The following GRID2 variants were observed in gnomAD, a reference collection of about 807,000 sequenced individuals.
The protein encoded by GRID2 is glutamate ionotropic receptor delta type subunit 2, also known as glutamate receptor ionotropic, delta-2.
In GRID2, 33 loss-of-function variants were observed where a neutral mutation model predicts 114.8. That is an observed-to-expected ratio of 0.29 (90% CI 0.22 to 0.38). GRID2 has a LOEUF of 0.38. Ranked by LOEUF, GRID2 falls within the 10% of genes least tolerant of loss-of-function variation. GRID2 has a pLI of 1.00. For synonymous variants in GRID2, 505 were observed against 449.9 expected, an observed-to-expected ratio of 1.12 and a Z score of -1.55; for missense variants, 1,184 against 1,257.7, an observed-to-expected ratio of 0.94 and a Z score of 0.89.
At chr4:92,375,459 T>A (rs1729311064) in intron 1 of GRID2, among the ~76,000 whole-genome samples, 1 of 152,178 alleles carries the variant, frequency 6.6e-6, no homozygotes, top group African/African-American at 2.4e-5. Context: ...AAAAACAAGG[T>A]TCTACTATTA....
At chr4:93,393,913 A>G (rs1765087814) in intron 8 of GRID2, among the ~76,000 whole-genome samples, 1 of 152,002 alleles carries the variant, frequency 6.6e-6, no homozygotes, top group Non-Finnish European at 1.5e-5. Flanking sequence ...CATACTTACC[A>G]CGAACAAGAT....
In GRID2 at chr4:92,758,143, G is replaced by GA. The variant is rs933776811; in HGVS notation, c.244+167863dup. Among the ~76,000 whole-genome samples the GA allele has an allele frequency of 5.3e-5, 8 of 152,058 alleles. No homozygotes were observed. In the South Asian group the frequency reaches 6.2e-4, roughly 12 times the overall value. ...AGGTAGATTGGTAGATCTGGTATTGGAAAAAAGAGTCTGTTCTCTTTTGCT... is the reference window on the plus strand; with the variant it reads ...AGGTAGATTGGTAGATCTGGTATTGGAAAAAAAGAGTCTGTTCTCTTTTGCT... On this transcript the variant is annotated intron_variant, in intron 2 of 15. Coordinates refer to ENST00000282020, the MANE Select transcript of GRID2 (RefSeq NM_001510.4).
intron 8 of GRID2, among the ~76,000 whole-genome samples, chr4:93,328,693 G>A (rs1199925356): frequency 6.7e-6 from 1 of 149,600 alleles, no homozygotes; most frequent in Non-Finnish European, 1.5e-5. Flanking sequence ...GTGCATGGAT[G>A]GATGGATGGA....
At chr4:93,806,959 T>C (rs183299645) in exon 2 of GRID2, 3 of 152,366 alleles carry the variant, frequency 2.0e-5, no homozygotes. Flanking sequence ...ACTGGTGAGC[T>C]AATGTATTAT....
chr4:93,421,414 C>T (rs1185346006), intron 9 of GRID2, among the ~76,000 whole-genome samples: 1 of 152,120 alleles, frequency 6.6e-6, no homozygotes, highest in Admixed American at 6.5e-5. Context: ...TTTACTAGTT[C>T]ATTTTGCTCT....
At chr4:93,013,679 C>T (rs1722406585) in intron 2 of GRID2, among the ~76,000 whole-genome samples, 2 of 152,074 alleles carry the variant, frequency 1.3e-5, no homozygotes, top group South Asian at 4.1e-4. Context: ...CTCCCCCTTG[C>T]ATATATCCTA....
At chr4:93,418,979 T>C (rs1767991282) in intron 9 of GRID2, among the ~76,000 whole-genome samples, 1 of 151,888 alleles carries the variant, frequency 6.6e-6, no homozygotes, top group Non-Finnish European at 1.5e-5. Flanking sequence ...CTCCTTCTTC[T>C]GTAACATATT....
intron 14 of GRID2, among the ~76,000 whole-genome samples, chr4:93,631,226 TA>T (rs200101322): frequency 3.5e-4 from 53 of 151,884 alleles, no homozygotes; most frequent in Middle Eastern, 3.4e-3. Flanking sequence ...CTTTTTTTTT[TA>T]TTATTATACT....
chr4:93,571,177 GAGA>G (rs958663802), intron 13 of GRID2, among the ~76,000 whole-genome samples: 1 of 152,030 alleles, frequency 6.6e-6, no homozygotes, highest in Non-Finnish European at 1.5e-5. Flanking sequence ...AAATCAAATA[GAGA>G]AGGAATGTTT....
chr4:93,508,138 C>T (rs1423805164), intron 12 of GRID2, among the ~76,000 whole-genome samples: 2 of 151,708 alleles, frequency 1.3e-5, no homozygotes, highest in East Asian at 3.9e-4. Flanking sequence ...GCACATGTAC[C>T]CTAAAACTTA....
At chr4:93,197,445 C>CGT (rs565811841) in intron 4 of GRID2, among the ~76,000 whole-genome samples, 26 of 151,908 alleles carry the variant, frequency 1.7e-4, no homozygotes, top group East Asian at 1.2e-3. Context: ...TTATTATCTA[C>CGT]GTGTGTGTGT....
intron 10 of GRID2, among the ~76,000 whole-genome samples, chr4:93,424,850 TTTA>T (rs1313892542): frequency 7.2e-5 from 11 of 152,158 alleles, no homozygotes; most frequent in Admixed American, 7.2e-4. Context: ...CCTTGCTTGT[TTTA>T]TTAAGATATT....
chr4:93,188,114 C>T (rs1037230550), intron 4 of GRID2, among the ~76,000 whole-genome samples: 1 of 152,198 alleles, frequency 6.6e-6, no homozygotes, highest in African/African-American at 2.4e-5. Flanking sequence ...TCTGGAATCT[C>T]AAGGGTGACC....
intron 4 of GRID2, among the ~76,000 whole-genome samples, chr4:93,127,197 GTTA>G (rs753081409): frequency 6.6e-6 from 1 of 152,110 alleles, no homozygotes; most frequent in Non-Finnish European, 1.5e-5. Context: ...CACTTGCGAA[GTTA>G]TTATACTATT....
intron 14 of GRID2, among the ~76,000 whole-genome samples, chr4:93,710,573 A>G (rs1321488281): frequency 6.6e-6 from 1 of 152,148 alleles, no homozygotes; most frequent in Non-Finnish European, 1.5e-5. Context: ...TGTAACAACT[A>G]TTATCTGGCT....
At chr4:93,581,317 T>TA in intron 13 of GRID2, among the ~76,000 whole-genome samples, 1 of 152,156 alleles carries the variant, frequency 6.6e-6, no homozygotes, top group African/African-American at 2.4e-5. Flanking sequence ...AATGGTTAAT[T>TA]ATCCAAAAAT....
At chr4:93,752,717 G>A (rs1732431581) in intron 14 of GRID2, among the ~76,000 whole-genome samples, 1 of 152,088 alleles carries the variant, frequency 6.6e-6, no homozygotes, top group Admixed American at 6.6e-5. Context: ...AAAAATCTCA[G>A]TCCTTTAATT....
chr4:93,801,879 A>T (rs1283587797), intron 1 of GRID2, among the ~76,000 whole-genome samples: 1 of 152,254 alleles, frequency 6.6e-6, no homozygotes, highest in Non-Finnish European at 1.5e-5. Context: ...AAATTACTAT[A>T]AGGGGTTCAA....
At chr4:92,323,505 T>C (rs1379370260) in intron 1 of GRID2, among the ~76,000 whole-genome samples, 1 of 152,062 alleles carries the variant, frequency 6.6e-6, no homozygotes, top group Non-Finnish European at 1.5e-5. Context: ...CCTGAAGAAA[T>C]GATTGTGTGG....
Sources: allele counts gnomAD v4.1 joint callset (sites outside exome capture counted in the v4.1 genomes callset), GRCh38; gene constraint gnomAD v4.1.1; transcripts MANE v1.5; gene names NCBI Gene and HGNC (gene_info 2026-07-23, HGNC 2026-07-21).